Variants in CDC42SE2 observed in about 807,000 individuals in gnomAD.
The protein encoded by CDC42SE2 is CDC42 small effector protein 2.
A neutral mutation model predicts 11.5 loss-of-function variants in CDC42SE2; 3 were observed. The ratio of observed to expected loss-of-function variants is 0.26; its 90% CI spans 0.12 to 0.67. CDC42SE2 has a LOEUF of 0.67. Ranked by LOEUF, CDC42SE2 falls within the 30% of genes least tolerant of loss-of-function variation. CDC42SE2 has a pLI of 0.80. For missense variants in CDC42SE2, 82 were observed against 106.8 expected, an observed-to-expected ratio of 0.77 and a Z score of 1.02; for synonymous variants, 33 against 34.8, an observed-to-expected ratio of 0.95 and a Z score of 0.18.
chr5:131,273,458 A>G (rs1051817892), intron 1 of CDC42SE2, among the ~76,000 whole-genome samples: 8 of 142,506 alleles, frequency 5.6e-5, no homozygotes, highest in Admixed American at 2.1e-4. Flanking sequence ...GCCCAGCCTT[A>G]TTTTTTTTTT....
intron 1 of CDC42SE2, among the ~76,000 whole-genome samples, chr5:131,273,313 G>A (rs1194423395): frequency 9.4e-5 from 14 of 149,304 alleles, no homozygotes; most frequent in Non-Finnish European, 1.8e-4. Context: ...CCATCACCAC[G>A]CCCGGCTTAT....
chr5:131,244,603 C>T (rs184569551), upstream of CDC42SE2, among the ~76,000 whole-genome samples: 88 of 152,168 alleles, frequency 5.8e-4, no homozygotes, highest in African/African-American at 2.0e-3. Flanking sequence ...CCCAGCTACT[C>T]GGGAGGTTGA....
At chr5:131,343,402 T>C (rs1381617704) in intron 2 of CDC42SE2, among the ~76,000 whole-genome samples, 3 of 152,010 alleles carry the variant, frequency 2.0e-5, no homozygotes, top group Non-Finnish European at 2.9e-5. Flanking sequence ...AGGAAGAGTT[T>C]AGGGAATATG....
At position 131,287,770 on chromosome 5, in the gene CDC42SE2, T is replaced by G. The variant is rs549755390; in HGVS notation, c.-455+23604T>G. On this transcript the variant is annotated intron_variant, in intron 1 of 4. Coordinates refer to ENST00000505065, the MANE Select transcript of CDC42SE2 (RefSeq NM_001375635.1). ...ATTACAGGTGTGAAGCACCATATCC[T>G]ACCGAAATTTTCTTTGTAGTGTGTT... Among the ~76,000 whole-genome samples, 7 of 152,276 alleles carry G rather than the reference T, an allele frequency of 4.6e-5. No individual in the cohort carries two copies. The East Asian group carries it at 1.4e-3, about 29-fold the overall frequency.
intron 3 of CDC42SE2, among the ~76,000 whole-genome samples, chr5:131,369,113 T>C (rs1284771456): frequency 6.6e-6 from 1 of 152,212 alleles, no homozygotes; most frequent in African/African-American, 2.4e-5. Context: ...TTTACGATTT[T>C]ACCATCTATG....
At chr5:131,375,317 G>A (rs573826496) in intron 3 of CDC42SE2, among the ~76,000 whole-genome samples, 1 of 152,122 alleles carries the variant, frequency 6.6e-6, no homozygotes, top group Non-Finnish European at 1.5e-5. Flanking sequence ...GTAGGAAAAG[G>A]TTAGTTACCT....
At chr5:131,386,583 T>C (rs1750493691) in intron 4 of CDC42SE2, among the ~76,000 whole-genome samples, 1 of 152,224 alleles carries the variant, frequency 6.6e-6, no homozygotes, top group African/African-American at 2.4e-5. Context: ...AGTTTCAGAA[T>C]AGGCTTTAGA....
At chr5:131,242,817 A>G (rs1756551526), upstream of CDC42SE2, among the ~76,000 whole-genome samples, 1 of 152,180 alleles carries the variant, frequency 6.6e-6, no homozygotes, top group Non-Finnish European at 1.5e-5. Flanking sequence ...TTCTAGGGTA[A>G]GTAATGGTGC....
intron 1 of CDC42SE2, among the ~76,000 whole-genome samples, chr5:131,301,890 A>C (rs1230213818): frequency 2.6e-5 from 4 of 152,148 alleles, no homozygotes; most frequent in African/African-American, 9.7e-5. Flanking sequence ...TTTTTGAGGC[A>C]TGGAGAGAGG....
intron 1 of CDC42SE2, among the ~76,000 whole-genome samples, chr5:131,313,044 G>A (rs916092692): frequency 2.6e-5 from 4 of 151,320 alleles, no homozygotes; most frequent in Admixed American, 6.6e-5. Context: ...GTGCAGTGGC[G>A]TGATCTTGGC....
At chr5:131,263,694 A>G (rs1756782079), upstream of CDC42SE2, 1 of 115,110 alleles carries the variant, frequency 8.7e-6, no homozygotes. Flanking sequence ...GCTCCTCCGC[A>G]CGGATGTCCG....
intron 2 of CDC42SE2, among the ~76,000 whole-genome samples, chr5:131,334,143 C>T (rs1269737923): frequency 1.3e-5 from 2 of 151,894 alleles, no homozygotes; most frequent in Non-Finnish European, 2.9e-5. Flanking sequence ...GTCCCATCAA[C>T]ACCTAATTTA....
chr5:131,210,086 C>G, the CDC42SE2 span, among the ~76,000 whole-genome samples: 1 of 152,170 alleles, frequency 6.6e-6, no homozygotes, highest in Non-Finnish European at 1.5e-5. Flanking sequence ...TAAGCCGGCT[C>G]CCTCTTCATC....
At chr5:131,301,618 C>T (rs754346654) in intron 1 of CDC42SE2, among the ~76,000 whole-genome samples, 5 of 151,794 alleles carry the variant, frequency 3.3e-5, no homozygotes, top group Non-Finnish European at 5.9e-5. Flanking sequence ...ATTAGCCGGG[C>T]GTGGTGGCGC....
At chr5:131,294,408 A>C (rs1204001759) in intron 1 of CDC42SE2, among the ~76,000 whole-genome samples, 8 of 152,228 alleles carry the variant, frequency 5.3e-5, no homozygotes, top group Non-Finnish European at 7.3e-5. Flanking sequence ...AAATAAAACC[A>C]TTCAATTATT....
At chr5:131,377,704 C>A (rs914736921) in intron 3 of CDC42SE2, among the ~76,000 whole-genome samples, 1 of 152,112 alleles carries the variant, frequency 6.6e-6, no homozygotes, top group African/African-American at 2.4e-5. Context: ...ACAGGTTCTA[C>A]CCAATATAAA....
At chr5:131,220,599 C>T in the CDC42SE2 span, among the ~76,000 whole-genome samples, 1 of 152,138 alleles carries the variant, frequency 6.6e-6, no homozygotes, top group African/African-American at 2.4e-5. Flanking sequence ...ATAGAATATT[C>T]CATTATAGAT....
chr5:131,241,199 C>T (rs536389663), upstream of CDC42SE2, among the ~76,000 whole-genome samples: 16 of 152,170 alleles, frequency 1.1e-4, no homozygotes, highest in South Asian at 2.1e-4. Context: ...AGGATGGTCT[C>T]GATCTCCTGA....
chr5:131,353,839 G>T (rs1394647645), intron 2 of CDC42SE2, among the ~76,000 whole-genome samples: 1 of 152,072 alleles, frequency 6.6e-6, no homozygotes, highest in Non-Finnish European at 1.5e-5. Context: ...TTGAACCTGG[G>T]AGGCTGAAGT....
Sources: gnomAD v4.1 joint callset for allele counts (sites outside exome capture counted in the v4.1 genomes callset) on GRCh38, gnomAD v4.1.1 for gene constraint, MANE v1.5 for transcripts, NCBI Gene and HGNC (gene_info 2026-07-23, HGNC 2026-07-21) for gene names.